Variants in PLCH1 observed in about 807,000 individuals in gnomAD.
PLCH1 encodes the protein 1-phosphatidylinositol 4,5-bisphosphate phosphodiesterase eta-1.
A neutral mutation model predicts 126.7 loss-of-function variants in PLCH1; 60 were observed. The observed-to-expected ratio is 0.47, with a 90% CI of 0.38 to 0.59. The LOEUF (loss-of-function observed/expected upper bound fraction) is 0.59. Ranked by LOEUF, PLCH1 falls within the 20% of genes least tolerant of loss-of-function variation. The pLI is 0.00. For synonymous variants in PLCH1, 719 were observed against 734.9 expected, an observed-to-expected ratio of 0.98 and a Z score of 0.35; for missense variants, 1,723 against 2,040.0, an observed-to-expected ratio of 0.84 and a Z score of 2.99.
At chr3:155,454,528 G>C (rs1029782362) in intron 21 of PLCH1, among the ~76,000 whole-genome samples, 3 of 152,076 alleles carry the variant, frequency 2.0e-5, no homozygotes, top group Admixed American at 1.3e-4. Context: ...AAGTTACAAG[G>C]GATCAGAGGG....
intron 11 of PLCH1, among the ~76,000 whole-genome samples, chr3:155,522,018 A>T (rs1450679770): frequency 1.3e-5 from 2 of 152,204 alleles, no homozygotes; most frequent in East Asian, 3.8e-4. Context: ...GGATACTCCA[A>T]TTTGTTCCCA....
At chr3:155,546,493 C>T (rs1439250563) in intron 10 of PLCH1, among the ~76,000 whole-genome samples, 3 of 152,096 alleles carry the variant, frequency 2.0e-5, no homozygotes, top group African/African-American at 7.2e-5. Context: ...AATGCCATCC[C>T]CATCAAGCTA....
chr3:155,544,374 C>A (rs1044432044), intron 10 of PLCH1, among the ~76,000 whole-genome samples: 2 of 152,150 alleles, frequency 1.3e-5, no homozygotes. Context: ...CAGGAGCACC[C>A]AGATTCATAA....
At chr3:155,643,674 T>C (rs774382779) in intron 2 of PLCH1, among the ~76,000 whole-genome samples, 11 of 152,214 alleles carry the variant, frequency 7.2e-5, no homozygotes, top group East Asian at 5.8e-4. Context: ...TTCCATTTCA[T>C]TGGACCTGCC....
At chr3:155,496,566 CA>C (rs1321202172) in intron 15 of PLCH1, among the ~76,000 whole-genome samples, 2 of 152,112 alleles carry the variant, frequency 1.3e-5, no homozygotes, top group Non-Finnish European at 2.9e-5. Flanking sequence ...TGTGAGGACA[CA>C]ATGTTGTTTT....
intron 4 of PLCH1, among the ~76,000 whole-genome samples, chr3:155,591,084 A>G (rs1732104766): frequency 6.6e-6 from 1 of 152,240 alleles, no homozygotes; most frequent in African/African-American, 2.4e-5. Context: ...CCAACAAAGC[A>G]AAAAGATGAT....
chr3:155,646,618 T>G (rs1740091022), intron 2 of PLCH1, among the ~76,000 whole-genome samples: 6 of 152,192 alleles, frequency 3.9e-5, no homozygotes, highest in Admixed American at 2.0e-4. Context: ...GGAATAACCT[T>G]CTTTTTATCC....
chr3:155,495,110 A>G (rs924927953), intron 15 of PLCH1, among the ~76,000 whole-genome samples: 1 of 152,208 alleles, frequency 6.6e-6, no homozygotes, highest in African/African-American at 2.4e-5. Context: ...AGGAATAATA[A>G]TGGAGAAAAA....
chr3:155,664,523 G>C (rs1424348037), intron 2 of PLCH1, among the ~76,000 whole-genome samples: 2 of 152,340 alleles, frequency 1.3e-5, no homozygotes, highest in East Asian at 3.9e-4. Context: ...TTTGCATGCA[G>C]AGCAAAAGCA....
Position 155,497,329 on chromosome 3 carries a change from C to T in PLCH1, c.1885G>A (p.Val629Met), listed in dbSNP as rs139332259. Residue 629 changes from valine (V) to methionine (M), a missense_variant, in exon 15 of 23, where the codon GTG becomes ATG. Val to Met is a conservative substitution (Grantham distance 21, BLOSUM62 1). Around this residue, in one of 2 missense-constraint regions of PLCH1, gnomAD observed 776 missense variants for 1,062.9 expected, o/e 0.73. Coordinates refer to ENST00000460012, the MANE Select transcript of PLCH1 (RefSeq NM_014996.4). ...YTNSVAAQDIVDDGTTGNVLS... is the reference protein window; with the variant it reads ...YTNSVAAQDIMDDGTTGNVLS... ...AACTCTCCATCCTTACCGTCATCCA[C>T]AATGTCCTGAGCGGCCACGGAGTTT... The T allele has an allele frequency of 4.4e-6, 7 of 1,604,864 alleles. No individual in the cohort carries two copies. In the African/African-American group the frequency reaches 8.0e-5, roughly 18 times the overall value.
intron 1 of PLCH1, among the ~76,000 whole-genome samples, chr3:155,719,355 G>T (rs774999572): frequency 3.3e-5 from 5 of 151,924 alleles, no homozygotes; most frequent in Non-Finnish European, 7.4e-5. Context: ...ATCACACACC[G>T]GGGCCTGTTG....
intron 2 of PLCH1, among the ~76,000 whole-genome samples, chr3:155,671,299 T>G (rs1476640425): frequency 6.6e-6 from 1 of 152,220 alleles, no homozygotes; most frequent in African/African-American, 2.4e-5. Context: ...TAGTAGGTAC[T>G]CGATTTTTTT....
chr3:155,521,913 T>C (rs1202253308), intron 11 of PLCH1, among the ~76,000 whole-genome samples: 2 of 152,238 alleles, frequency 1.3e-5, no homozygotes, highest in African/African-American at 4.8e-5. Context: ...AAATGAAAGA[T>C]CATATCTAAC....
chr3:155,481,275 C>T lies in PLCH1; in HGVS notation c.4751G>A (p.Arg1584His), dbSNP rs1261012816. Residue 1584 changes from arginine (R) to histidine (H), a missense_variant, in exon 23 of 23, where the codon CGT becomes CAT. Arg to His is a conservative substitution (Grantham distance 29). This residue lies in a region of PLCH1 where 947 missense variants were observed against 977.1 expected (regional missense o/e 0.97). Coordinates refer to ENST00000460012, the MANE Select transcript of PLCH1 (RefSeq NM_014996.4). This position sits in a 1 kb window ranked among gnomAD's most constrained non-coding sequence, Gnocchi z 4.2. ...SQSRVRNIAS[R>H]AKEKQEANKQ... ...GTTGGCTTCCTGTTTCTCCTTGGCA[C>T]GACTAGCAATATTGCGCACTCTGCT... is the stretch of plus-strand genomic sequence containing the variant. 11 of 1,614,086 alleles carry T rather than the reference C, an allele frequency of 6.8e-6. No homozygotes were observed. Among genetic ancestry groups the T allele is most frequent in the Middle Eastern group, 1.6e-4 (1 of 6,084 alleles).
Position 155,482,418 on chromosome 3 carries a change from A to G in PLCH1, c.3608T>C (p.Leu1203Pro). The stretch of plus-strand genomic sequence containing the variant: ...ATTATGAAGATGAGAAACAACTGTG[A>G]GAGCCTGATTGTTGGTCTCATCAAA... ...GQFDETNNQA[L>P]TVVSHLHNTS... Residue 1203 changes from leucine (L) to proline (P), a missense_variant, in exon 23 of 23, where the codon CTC (leucine) becomes CCC (proline). Around this residue, in one of 2 missense-constraint regions of PLCH1, gnomAD observed 947 missense variants for 977.1 expected, o/e 0.97. Transcript: ENST00000460012. 1.2e-6 allele frequency: 2 copies of G among 1,614,178 alleles called. No homozygotes were observed. The highest frequency in any genetic ancestry group is 1.7e-6 in the Non-Finnish European group (2 of 1,180,038).
chr3:155,705,902 G>A (rs530231605), intron 1 of PLCH1, among the ~76,000 whole-genome samples: 96 of 152,300 alleles, frequency 6.3e-4, no homozygotes, highest in Middle Eastern at 3.4e-3. Flanking sequence ...TGGGCTGCGC[G>A]CAGTGGCTCA....
chr3:155,546,089 A>G (rs1725230125), intron 10 of PLCH1, among the ~76,000 whole-genome samples: 1 of 152,210 alleles, frequency 6.6e-6, no homozygotes, highest in South Asian at 2.1e-4. Flanking sequence ...GAAAAGAGGA[A>G]GTCAAATGGT....
At chr3:155,512,278 C>T (rs912117711) in intron 12 of PLCH1, among the ~76,000 whole-genome samples, 4 of 152,226 alleles carry the variant, frequency 2.6e-5, no homozygotes, top group South Asian at 2.1e-4. Context: ...CCCTGAGCAC[C>T]GGCACATCTT....
chr3:155,671,386 G>T (rs1743432129), intron 2 of PLCH1, among the ~76,000 whole-genome samples: 1 of 152,128 alleles, frequency 6.6e-6, no homozygotes, highest in South Asian at 2.1e-4. Context: ...ATGTTCTGAA[G>T]CAGTAACCCT....
Sources: gnomAD v4.1 joint callset for allele counts (sites outside exome capture counted in the v4.1 genomes callset) on GRCh38, gnomAD v4.1.1 for gene constraint, gnomAD v4.1.1 regional missense constraint, Gnocchi (gnomAD v3.1) non-coding constraint, MANE v1.5 for transcripts, NCBI Gene and HGNC (gene_info 2026-07-23, HGNC 2026-07-21) for gene names.